The following THSD1 variants were observed in gnomAD, a reference collection of about 807,000 sequenced individuals.
The protein encoded by THSD1 is thrombospondin type-1 domain-containing protein 1.
A neutral mutation model predicts 46.3 loss-of-function variants in THSD1; 34 were observed. The observed-to-expected ratio is 0.74, with a 90% CI of 0.56 to 0.98. THSD1 has a LOEUF of 0.98. Ranked by LOEUF, THSD1 falls within the 50% of genes least tolerant of loss-of-function variation. The pLI is 0.00. For synonymous variants in THSD1, 407 were observed against 416.5 expected, an observed-to-expected ratio of 0.98 and a Z score of 0.28; for missense variants, 1,023 against 1,058.3, an observed-to-expected ratio of 0.97 and a Z score of 0.46.
intron 4 of THSD1, among the ~76,000 whole-genome samples, chr13:52,378,998 G>GTAA (rs1458545843): frequency 2.0e-5 from 3 of 151,474 alleles, no homozygotes; most frequent in African/African-American, 7.3e-5. Context: ...AAGTAGCTGG[G>GTAA]ATTACAGGCA....
In THSD1 at chr13:52,377,631, G is replaced by T; in HGVS notation, c.2339C>A (p.Pro780His). The change falls in exon 5 of 5, where the codon CCC (proline) becomes CAC (histidine). Residue 780 changes from proline to histidine, a missense_variant. Physicochemically the swap from Pro to His is moderately conservative, Grantham distance 77. Around this residue, in one of 3 missense-constraint regions of THSD1, gnomAD observed 578 missense variants for 497.4 expected, o/e 1.16. Transcript: ENST00000258613. ...ACTGACCCTCTGGTAGTTATCTTTGGGGGATATGGGAGAAGACTGCTTCCT... is the reference window on the plus strand; with the variant it reads ...ACTGACCCTCTGGTAGTTATCTTTGTGGGATATGGGAGAAGACTGCTTCCT... ...VSRKQSSPIS[P>H]KDNYQRVSSL... 6.2e-7 allele frequency: 1 copy of T among 1,609,924 alleles called. No homozygotes were observed. Among genetic ancestry groups the T allele is most frequent in the Non-Finnish European group, 8.5e-7 (1 of 1,176,608 alleles).
chr13:52,386,104 G>A lies in THSD1; in HGVS notation c.1104C>T (p.Leu368=). The change falls in exon 4 of 5, where the codon CTC becomes CTT. Residue 368 remains leucine (L), a synonymous_variant. Coordinates refer to ENST00000258613, the MANE Select transcript of THSD1 (RefSeq NM_018676.4). The part of the protein sequence containing the change: ...DGVRERRRVC[L]TSFPSSPVCP... ...AGACAGGACTGGAGGGGAAGGAAGT[G>A]AGACACACTCGGCGACGCTCTCTGA... is the stretch of plus-strand genomic sequence containing the variant. The A allele has an allele frequency of 6.2e-7, 1 of 1,614,108 alleles. No homozygotes were observed. Among genetic ancestry groups the A allele is most frequent in the Non-Finnish European group, 8.5e-7 (1 of 1,180,012 alleles).
intron 1 of THSD1, among the ~76,000 whole-genome samples, chr13:52,404,791 C>T (rs1190888247): frequency 6.6e-6 from 1 of 152,164 alleles, no homozygotes; most frequent in Non-Finnish European, 1.5e-5. Flanking sequence ...ACGACAATAA[C>T]ATTTTTATTT....
At chr13:52,385,761 A>G (rs1469506603) in intron 4 of THSD1, among the ~76,000 whole-genome samples, 1 of 152,182 alleles carries the variant, frequency 6.6e-6, no homozygotes, top group Non-Finnish European at 1.5e-5. Context: ...AAATTATTTA[A>G]TATGTCTGAA....
chr13:52,377,723 G>A lies in THSD1; in HGVS notation c.2247C>T (p.Ala749=), dbSNP rs149199630. 15 of 1,613,016 alleles carry A rather than the reference G, an allele frequency of 9.3e-6. No homozygotes were observed. The highest frequency in any genetic ancestry group is 1.3e-5 in the Non-Finnish European group (15 of 1,179,252). The change falls in exon 5 of 5, where the codon GCC becomes GCT. Residue 749 remains alanine, a synonymous_variant. Transcript: ENST00000258613. ...DLGDHQAGLV[A]GIERTEPHRA... is the part of the protein sequence containing the mutation. ...TGTGGGGCTCTGTTCTCTCAATTCC[G>A]GCCACTAATCCTGCCTGGTGATCCC... is the stretch of plus-strand genomic sequence containing the variant.
Position 52,397,699 on chromosome 13 carries a change from G to T in THSD1, c.554C>A (p.Pro185Gln). ...CCTTTTGCTGGTTCTTATTTCCAGC[G>T]GCTGTCTTGAATTTCTTCTTGCCTC... ...LPEARRNSRQ[P>Q]LEIRTSKRTE... The change falls in exon 3 of 5, where the codon CCG becomes CAG. Residue 185 changes from proline (P) to glutamine (Q), a missense_variant. Pro to Gln is a moderately conservative substitution (Grantham distance 76). This residue lies in a region of THSD1 where 429 missense variants were observed against 518.3 expected (regional missense o/e 0.83). Transcript: ENST00000258613. 6.2e-7 allele frequency: 1 copy of T among 1,614,162 alleles called. No individual in the cohort carries two copies. Among genetic ancestry groups the T allele is most frequent in the Admixed American group, 1.7e-5 (1 of 60,014 alleles).
At chr13:52,390,356 A>G (rs1957764642) in intron 3 of THSD1, among the ~76,000 whole-genome samples, 1 of 152,220 alleles carries the variant, frequency 6.6e-6, no homozygotes, top group Non-Finnish European at 1.5e-5. Flanking sequence ...AGGTGAGCCA[A>G]GTGGTGCAAT....
At chr13:52,390,754 C>G (rs564051770) in intron 3 of THSD1, among the ~76,000 whole-genome samples, 1 of 152,278 alleles carries the variant, frequency 6.6e-6, no homozygotes, top group South Asian at 2.1e-4. Context: ...GTTTATCCTT[C>G]TCCATGCTCA....
intron 3 of THSD1, among the ~76,000 whole-genome samples, chr13:52,393,205 T>C (rs1957785792): frequency 6.6e-6 from 1 of 152,118 alleles, no homozygotes; most frequent in Admixed American, 6.5e-5. Flanking sequence ...AAATTGACAA[T>C]GTAATGAAAT....
At chr13:52,392,210 A>AAAAAAAAG (rs1594101196) in intron 3 of THSD1, among the ~76,000 whole-genome samples, 1 of 151,606 alleles carries the variant, frequency 6.6e-6, no homozygotes, top group East Asian at 1.9e-4. Context: ...AAAAAAAAAA[A>AAAAAAAAG]AGTAAAATCA....
Position 52,378,652 on chromosome 13 carries a change from C to T in THSD1, c.1318G>A (p.Gly440Ser), listed in dbSNP as rs1957663353. The T allele has an allele frequency of 3.1e-6, 5 of 1,614,080 alleles. No individual in the cohort carries two copies. Among genetic ancestry groups the T allele is most frequent in the South Asian group, 1.1e-5 (1 of 91,078 alleles). Residue 440 changes from glycine (G) to serine (S), a missense_variant, in exon 5 of 5, where the codon GGC (glycine) becomes AGC (serine). By Grantham distance (56) the Gly-to-Ser change is moderately conservative. Transcript: ENST00000258613. ...GGTGTGCTGCACTTGGCTGGCCGGCCGAACCTCCTCCACAGCGTGATGAGC... is the reference window on the plus strand; with the variant it reads ...GGTGTGCTGCACTTGGCTGGCCGGCTGAACCTCCTCCACAGCGTGATGAGC... ...TVLITLWRRF[G>S]RPAKCSTPAR...
chr13:52,377,643 G>T lies in THSD1; in HGVS notation c.2327C>A (p.Ser776Tyr). ...GTAGTTATCTTTGGGGGATATGGGA[G>T]AAGACTGCTTCCTTGAGACACTCTT... ...SHKSVSRKQS[S>Y]PISPKDNYQR... Residue 776 changes from serine (S) to tyrosine (Y), a missense_variant, in exon 5 of 5, where the codon TCT (serine) becomes TAT (tyrosine). This residue lies in a region of THSD1 where 578 missense variants were observed against 497.4 expected (regional missense o/e 1.16). Coordinates refer to ENST00000258613, the MANE Select transcript of THSD1 (RefSeq NM_018676.4). The T allele has an allele frequency of 6.2e-7, 1 of 1,610,586 alleles. No homozygotes were observed. The highest frequency in any genetic ancestry group is 8.5e-7 in the Non-Finnish European group (1 of 1,177,116).
Position 52,402,698 on chromosome 13 carries a change from A to G in THSD1, c.-81-17T>C. ...CAAAAACACCTGAAATTAGAACCTC[A>G]AAAAATGATGGCTCCGTTCAATGTG... On this transcript the variant is annotated splice_polypyrimidine_tract_variant and intron_variant, in intron 1 of 4. Coordinates refer to ENST00000258613, the MANE Select transcript of THSD1 (RefSeq NM_018676.4). 6.4e-7 allele frequency: 1 copy of G among 1,553,660 alleles called. No homozygotes were observed. The highest frequency in any genetic ancestry group is 1.4e-5 in the African/African-American group (1 of 73,040).
chr13:52,400,768 C>T (rs1274331017), intron 2 of THSD1, among the ~76,000 whole-genome samples: 1 of 152,170 alleles, frequency 6.6e-6, no homozygotes, highest in Admixed American at 6.5e-5. Context: ...CTTGTGCACT[C>T]AACCTCTATG....
At position 52,402,606 on chromosome 13, in the gene THSD1, T is replaced by C. The variant is rs757425209; in HGVS notation, c.-6A>G. 3 of 1,613,996 alleles carry C rather than the reference T, an allele frequency of 1.9e-6. No homozygotes were observed. The highest frequency in any genetic ancestry group is 1.1e-5 in the South Asian group (1 of 91,066). On this transcript the variant is annotated 5_prime_UTR_variant, in exon 2 of 5. Transcript: ENST00000258613. ...TCTTTCAACATTGGTTTCATTCTGA[T>C]TGACAAAATCCCAGGTCTTTAGTCT...
In THSD1 at chr13:52,386,006, C is replaced by T. The variant is rs199880622; in HGVS notation, c.1180+22G>A. 8.1e-4 allele frequency: 1,307 copies of T among 1,610,152 alleles called. 4 individuals are homozygous for T. Among genetic ancestry groups the T allele is most frequent in the Middle Eastern group, 2.8e-3 (17 of 6,046 alleles). On this transcript the variant is annotated intron_variant, in intron 4 of 4. Transcript: ENST00000258613. Reference sequence around the variant, plus strand: ...GATGAAGGCTCTGAGGAGAGACTCCCGAAGGAAGCAAGAATACCTACCAGC... The same window carrying T: ...GATGAAGGCTCTGAGGAGAGACTCCTGAAGGAAGCAAGAATACCTACCAGC...
At position 52,377,770 on chromosome 13, in the gene THSD1, G is replaced by C; in HGVS notation, c.2200C>G (p.Pro734Ala). The change falls in exon 5 of 5, where the codon CCC becomes GCC. Residue 734 changes from proline (P) to alanine (A), a missense_variant. By Grantham distance (27) the Pro-to-Ala change is conservative. Around this residue, in one of 3 missense-constraint regions of THSD1, gnomAD observed 578 missense variants for 497.4 expected, o/e 1.16. Transcript: ENST00000258613. ...PLPKSYTLGQ[P>A]LRKPDLGDHQ... The stretch of plus-strand genomic sequence containing the variant: ...TCCCCAAGGTCTGGTTTCCTCAAGG[G>C]CTGCCCCAAAGTGTAGGATTTAGGG... 2.5e-6 allele frequency: 4 copies of C among 1,614,150 alleles called. No individual in the cohort carries two copies. The highest frequency in any genetic ancestry group is 3.4e-6 in the Non-Finnish European group (4 of 1,180,018).
intron 2 of THSD1, among the ~76,000 whole-genome samples, chr13:52,400,448 A>T (rs1049740491): frequency 6.6e-6 from 1 of 152,082 alleles, no homozygotes; most frequent in African/African-American, 2.4e-5. Flanking sequence ...AAATACAAAA[A>T]TTAGCTGGGC....
Position 52,377,840 on chromosome 13 carries a change from C to T in THSD1, c.2130G>A (p.Glu710=), listed in dbSNP as rs910086611. ...GGGTTCCACTTGCCTCTTGGAAATG[C>T]TCCAGTTTTTCAGGAAACAGGTGGG... ...RGAHLFPEKL[E]HFQEASGTRG... Residue 710 remains glutamate, a synonymous_variant, in exon 5 of 5, where the codon GAG becomes GAA. Coordinates refer to ENST00000258613, the MANE Select transcript of THSD1 (RefSeq NM_018676.4). 6.8e-6 allele frequency: 11 copies of T among 1,614,082 alleles called. No individual in the cohort carries two copies. Among genetic ancestry groups the T allele is most frequent in the South Asian group, 3.3e-5 (3 of 91,092 alleles).
Sources: allele counts gnomAD v4.1 joint callset (sites outside exome capture counted in the v4.1 genomes callset), GRCh38; gene constraint gnomAD v4.1.1; regional missense constraint gnomAD v4.1.1; transcripts MANE v1.5; gene names NCBI Gene and HGNC (gene_info 2026-07-23, HGNC 2026-07-21).